The following THSD7A variants were observed in gnomAD, a reference collection of about 807,000 sequenced individuals.
THSD7A encodes the protein thrombospondin type 1 domain containing 7A.
THSD7A carries 96 observed loss-of-function variants against 231.3 expected under a neutral mutation model. The observed-to-expected ratio is 0.41, with a 90% CI of 0.35 to 0.49. THSD7A has a LOEUF of 0.49. THSD7A is among the 20% of genes least tolerant of loss of function. THSD7A has a pLI of 0.05. For missense variants in THSD7A, 2,290 were observed against 2,070.2 expected (o/e 1.11, Z -2.06); for synonymous variants, 940 against 743.3 (o/e 1.26, Z -4.30).
At chr7:11,584,565 T>C (rs1791312890) in intron 4 of THSD7A, among the ~76,000 whole-genome samples, 1 of 152,132 alleles carries the variant, frequency 6.6e-6, no homozygotes, top group Admixed American at 6.6e-5. Context: ...TAAATAGTTA[T>C]CTTCAGGCAA....
chr7:11,447,091 G>T, intron 12 of THSD7A, 139 bp downstream of exon 12: 1 of 822,714 alleles, frequency 1.2e-6, no homozygotes, highest in Non-Finnish European at 1.9e-6. Flanking sequence ...TTTTATCACT[G>T]CCAGCTAAAT....
intron 1 of THSD7A, among the ~76,000 whole-genome samples, chr7:11,704,100 G>A (rs35281017): frequency 0.012 from 1,814 of 151,088 alleles, 23 homozygotes; most frequent in Non-Finnish European, 0.02. Context: ...ACAAAGCATC[G>A]AAAGTTCTCA....
chr7:11,739,003 C>A (rs78368984), intron 1 of THSD7A, among the ~76,000 whole-genome samples: 1 of 151,914 alleles, frequency 6.6e-6, no homozygotes, highest in Non-Finnish European at 1.5e-5. Context: ...ATCATAGTGA[C>A]GTTTAGAGGA....
chr7:11,617,531 T>C (rs543111421), intron 2 of THSD7A, among the ~76,000 whole-genome samples: 29 of 152,206 alleles, frequency 1.9e-4, no homozygotes, highest in Non-Finnish European at 4.3e-4. Flanking sequence ...CTATATTACA[T>C]GAATGCTAAC....
chr7:11,470,144 C>G (rs1448720217), intron 8 of THSD7A, 150 bp from the exon 9 acceptor site: 1 of 636,378 alleles, frequency 1.6e-6, no homozygotes, highest in African/African-American at 1.8e-5. Context: ...CTGCTACAGG[C>G]AAGAACTATA....
intron 6 of THSD7A, among the ~76,000 whole-genome samples, chr7:11,536,692 T>C (rs993704561): frequency 6.6e-6 from 1 of 152,156 alleles, no homozygotes; most frequent in African/African-American, 2.4e-5. Flanking sequence ...TTCTTACTGG[T>C]TTCTTCTGGG....
chr7:11,669,465 C>T (rs917290732), intron 1 of THSD7A, among the ~76,000 whole-genome samples: 1 of 151,832 alleles, frequency 6.6e-6, no homozygotes, highest in Admixed American at 6.6e-5. Context: ...TCCAGATACT[C>T]TGCAGGGTGA....
chr7:11,587,790 C>G (rs1356621494), intron 4 of THSD7A, among the ~76,000 whole-genome samples: 1 of 152,084 alleles, frequency 6.6e-6, no homozygotes, highest in African/African-American at 2.4e-5. Context: ...GTATCATTCC[C>G]CTGTGTAACA....
intron 6 of THSD7A, among the ~76,000 whole-genome samples, chr7:11,502,730 C>A (rs1787388119): frequency 6.6e-6 from 1 of 152,028 alleles, no homozygotes; most frequent in East Asian, 1.9e-4. Flanking sequence ...CACAAAATAC[C>A]TAGGAATACA....
At chr7:11,754,201 A>T (rs907016739) in intron 1 of THSD7A, among the ~76,000 whole-genome samples, 4 of 152,042 alleles carry the variant, frequency 2.6e-5, no homozygotes, top group Admixed American at 2.0e-4. Context: ...ATGTCTAAAG[A>T]AGTAAAAGTA....
At position 11,429,124 on chromosome 7, in the gene THSD7A, A is replaced by G. The variant is rs1449325936; in HGVS notation, c.3066T>C (p.Gly1022=). 6.4e-7 allele frequency: 1 copy of G among 1,572,888 alleles called. No homozygotes were observed. Among genetic ancestry groups the G allele is most frequent in the Non-Finnish European group, 8.6e-7 (1 of 1,163,544 alleles). ...GGATGATGCAGGCCTCCTCAATGTA[A>G]CCTGAGTAGAGGAAAATGAGACAAG... The part of the protein sequence containing the change: ...LVETSRCNSH[G]YIEEACIIPC... Residue 1022 remains glycine, a splice_region_variant and synonymous_variant, in exon 14 of 28, where the codon GGT becomes GGC. Transcript: ENST00000423059.
intron 1 of THSD7A, among the ~76,000 whole-genome samples, chr7:11,757,112 G>A (rs1381732587): frequency 6.6e-6 from 1 of 151,724 alleles, no homozygotes; most frequent in East Asian, 1.9e-4. Flanking sequence ...CTCTATATAT[G>A]TATTTTTAAA....
In THSD7A at chr7:11,622,570, T is replaced by C. The variant is rs961969193; in HGVS notation, c.1022+13560A>G. Among the ~76,000 whole-genome samples the C allele has an allele frequency of 3.9e-5, 6 of 152,244 alleles. No homozygotes were observed. In the South Asian group the frequency reaches 1.2e-3, roughly 32 times the overall value. On this transcript the variant is annotated intron_variant, in intron 2 of 27. Transcript: ENST00000423059. Reference sequence around the variant, plus strand: ...TGCTGGTGTTATGTCATATCAGTTGTGTAAAACGATTCTTCTAGTGTCAAA... The same window carrying C: ...TGCTGGTGTTATGTCATATCAGTTGCGTAAAACGATTCTTCTAGTGTCAAA...
chr7:11,642,448 A>G (rs1197165999), intron 1 of THSD7A, among the ~76,000 whole-genome samples: 1 of 152,164 alleles, frequency 6.6e-6, no homozygotes, highest in Non-Finnish European at 1.5e-5. Context: ...TCCTGCATAC[A>G]GATTTGTAGG....
rs935295716 is a variant in THSD7A at position 11,637,210 on chromosome 7, G to C, written c.191-249C>G. Among the ~76,000 whole-genome samples the C allele has an allele frequency of 2.0e-5, 3 of 152,176 alleles. No individual in the cohort carries two copies. The highest frequency in any genetic ancestry group is 1.3e-4 in the Admixed American group (2 of 15,278). The stretch of plus-strand genomic sequence containing the variant: ...TCACTTTGGGTCCTTTAGGGATTAC[G>C]AAAAGTTTGGTTTTGTTCATTTCCT... On this transcript the variant is annotated intron_variant, in intron 1 of 27. Transcript: ENST00000423059. This position sits in a 1 kb window ranked among gnomAD's most constrained non-coding sequence, Gnocchi z 4.2.
intron 1 of THSD7A, among the ~76,000 whole-genome samples, chr7:11,701,325 T>G (rs1325131951): frequency 6.6e-6 from 1 of 151,222 alleles, no homozygotes; most frequent in Admixed American, 6.6e-5. Context: ...TTCCAATATG[T>G]AGATCTTTCT....
At chr7:11,417,150 C>G (rs928858769) in intron 17 of THSD7A, among the ~76,000 whole-genome samples, 2 of 152,156 alleles carry the variant, frequency 1.3e-5, no homozygotes, top group African/African-American at 4.8e-5. Flanking sequence ...ATCACCACTG[C>G]AGTTTTTAAC....
Position 11,447,265 on chromosome 7 carries a change from C to G in THSD7A, c.2765G>C (p.Cys922Ser), listed in dbSNP as rs764562822. 3 of 1,613,108 alleles carry G rather than the reference C, an allele frequency of 1.9e-6. No individual in the cohort carries two copies. Among genetic ancestry groups the G allele is most frequent in the Non-Finnish European group, 1.7e-6 (2 of 1,179,438 alleles). The change falls in exon 12 of 28, where the codon TGT becomes TCT. Residue 922 changes from cysteine (C) to serine (S), a missense_variant. Transcript: ENST00000423059. The part of the protein sequence containing the change: ...WSKFSSCNGD[C>S]GAVRTRKRTL... The stretch of plus-strand genomic sequence containing the variant: ...GCGCTTTCTGGTCCTAACTGCACCA[C>G]AGTCTCCATTGCATGAAGAAAACTT...
At chr7:11,388,953 G>C (rs1583652933) in intron 23 of THSD7A, among the ~76,000 whole-genome samples, 1 of 152,166 alleles carries the variant, frequency 6.6e-6, no homozygotes, top group Non-Finnish European at 1.5e-5. Flanking sequence ...TAATTGGATT[G>C]CACTGTGATC....
Sources: gnomAD v4.1 joint callset for allele counts (sites outside exome capture counted in the v4.1 genomes callset) on GRCh38, gnomAD v4.1.1 for gene constraint, Gnocchi (gnomAD v3.1) non-coding constraint, MANE v1.5 for transcripts, NCBI Gene and HGNC (gene_info 2026-07-23, HGNC 2026-07-21) for gene names.